Variants in USP47 observed in about 807,000 individuals in gnomAD.
USP47 encodes ubiquitin specific peptidase 47.
A neutral mutation model predicts 165.1 loss-of-function variants in USP47; 35 were observed. The ratio of observed to expected loss-of-function variants is 0.21; its 90% CI spans 0.16 to 0.28. USP47 has a LOEUF of 0.28. USP47 is among the 10% of genes least tolerant of loss of function. USP47 has a pLI of 1.00. For missense variants in USP47, 1,277 were observed against 1,607.4 expected (o/e 0.79, Z 3.52); for synonymous variants, 531 against 544.5 (o/e 0.98, Z 0.35).
In USP47 at chr11:11,879,760, A is replaced by T. The variant is rs567838174; in HGVS notation, c.40-417A>T. ...CTTACTGCATTTTTGCACAATTCCCATTTTTTTTTAGGAGACCCAGAAATA... is the reference window on the plus strand; with the variant it reads ...CTTACTGCATTTTTGCACAATTCCCTTTTTTTTTTAGGAGACCCAGAAATA... On this transcript the variant is annotated intron_variant, in intron 1 of 27. Coordinates refer to ENST00000527733, the MANE Select transcript of USP47 (RefSeq NM_001282659.2). 3.3e-5 allele frequency among the ~76,000 whole-genome samples: 5 copies of T among 150,446 alleles called. No individual in the cohort carries two copies. The South Asian group carries it at 8.5e-4, about 25-fold the overall frequency.
At chr11:11,884,402 A>T in intron 2 of USP47, 65 bp from the exon 3 acceptor site, 1 of 1,145,260 alleles carries the variant, frequency 8.7e-7, no homozygotes, top group South Asian at 1.6e-5. Flanking sequence ...GTAGATATGT[A>T]TCTATTTACA....
At chr11:11,861,614 AT>A (rs1332866032) in intron 1 of USP47, among the ~76,000 whole-genome samples, 1 of 152,118 alleles carries the variant, frequency 6.6e-6, no homozygotes, top group Non-Finnish European at 1.5e-5. Flanking sequence ...AAGGAGTTTT[AT>A]TTATTTTCTA....
chr11:11,916,081 ATTG>A (rs1287544571), intron 8 of USP47, among the ~76,000 whole-genome samples: 2 of 152,182 alleles, frequency 1.3e-5, no homozygotes, highest in African/African-American at 4.8e-5. Flanking sequence ...AATAACCCGT[ATTG>A]TTTTTGATTG....
At chr11:11,896,235 G>GCCTA (rs1851837390) in intron 4 of USP47, among the ~76,000 whole-genome samples, 1 of 152,118 alleles carries the variant, frequency 6.6e-6, no homozygotes, top group African/African-American at 2.4e-5. Context: ...CTCTTCTCAA[G>GCCTA]CCTACCCCGA....
rs57342188 is a variant in USP47 at position 11,875,033 on chromosome 11, T to TTGTGTG, written c.40-5100_40-5095dup. 4.2e-3 allele frequency among the ~76,000 whole-genome samples: 396 copies of TTGTGTG among 95,384 alleles called. 2 individuals are homozygous for TTGTGTG. The highest frequency in any genetic ancestry group is 5.5e-3 in the South Asian group (16 of 2,916). The allele number at this position is 95,384 out of a possible 152,430, so 62.6% of individuals were successfully genotyped here. The stretch of plus-strand genomic sequence containing the variant: ...CCAAAAGGGAGAGAAAATTGACTTA[T>TTGTGTG]TGTGTGTGTGTGTGTGTGTGTGTGT... On this transcript the variant is annotated intron_variant, in intron 1 of 27. Transcript: ENST00000527733.
chr11:11,896,263 C>T (rs77335916), intron 4 of USP47, among the ~76,000 whole-genome samples: 2 of 152,148 alleles, frequency 1.3e-5, no homozygotes, highest in East Asian at 3.9e-4. Context: ...TTTTTAAGCC[C>T]AGTAAAGGGA....
Position 11,847,364 on chromosome 11 carries a change from A to G in USP47, c.39+5140A>G, listed in dbSNP as rs1009184608. Among the ~76,000 whole-genome samples the G allele has an allele frequency of 2.7e-5, 4 of 150,864 alleles. 1 individual carries two copies. The highest frequency in any genetic ancestry group is 5.9e-5 in the Non-Finnish European group (4 of 67,780). On this transcript the variant is annotated intron_variant, in intron 1 of 27. Transcript: ENST00000527733. ...GTCTTGAGTAATCGGATCCACTTGT[A>G]TAGCTTCAACCTTTGATTGTGATTT...
At chr11:11,845,686 G>GT (rs1319905292) in intron 1 of USP47, among the ~76,000 whole-genome samples, 1 of 152,176 alleles carries the variant, frequency 6.6e-6, no homozygotes, top group Admixed American at 6.5e-5. Context: ...TGACAGAGTT[G>GT]TAAGTAAATT....
intron 1 of USP47, chr11:11,873,879 G>A (rs1248359780): frequency 3.6e-6 from 5 of 1,408,002 alleles, no homozygotes; most frequent in Non-Finnish European, 4.7e-6. Flanking sequence ...TGATGTAATT[G>A]CTTTAATGTG....
At position 11,930,696 on chromosome 11, in the gene USP47, T is replaced by C; in HGVS notation, c.1596T>C (p.Ser532=). The C allele has an allele frequency of 6.2e-7, 1 of 1,601,334 alleles. No homozygotes were observed. The highest frequency in any genetic ancestry group is 1.1e-5 in the South Asian group (1 of 87,668). The change falls in exon 14 of 28, where the codon AGT becomes AGC. Residue 532 remains serine (S), a splice_region_variant and synonymous_variant. Coordinates refer to ENST00000527733, the MANE Select transcript of USP47 (RefSeq NM_001282659.2). ...SRGYYSSAFA[S]STNAYMLIYR... is the part of the protein sequence containing the mutation. The stretch of plus-strand genomic sequence containing the variant: ...TTAATCTTTTTTATGTTTCTACTAG[T>C]TCCACAAATGCATATATGCTGATCT...
At chr11:11,939,859 A>G (rs1590428108) in intron 18 of USP47, among the ~76,000 whole-genome samples, 1 of 152,038 alleles carries the variant, frequency 6.6e-6, no homozygotes, top group African/African-American at 2.4e-5. Context: ...TTGAAAAGAA[A>G]TTGTGTTTTT....
At chr11:11,871,537 A>AAAAAAAAAAAAAT (rs1850060572) in intron 1 of USP47, among the ~76,000 whole-genome samples, 1 of 106,484 alleles carries the variant, frequency 9.4e-6, no homozygotes, top group Non-Finnish European at 2.1e-5. Context: ...AAAAAAAAAA[A>AAAAAAAAAAAAAT]AGAATTCTGG....
chr11:11,888,863 T>A (rs1197463615), intron 3 of USP47, among the ~76,000 whole-genome samples: 5 of 152,118 alleles, frequency 3.3e-5, no homozygotes, highest in Non-Finnish European at 5.9e-5. Flanking sequence ...ATGATCAAGT[T>A]GGCTTCATTC....
chr11:11,866,711 TGATA>T (rs1429851645), intron 1 of USP47, among the ~76,000 whole-genome samples: 6 of 152,176 alleles, frequency 3.9e-5, no homozygotes, highest in Non-Finnish European at 7.3e-5. Context: ...TTTGCATTCC[TGATA>T]GATATTTTTG....
At position 11,922,753 on chromosome 11, in the gene USP47, C is replaced by T. The variant is rs1256726818; in HGVS notation, c.1248C>T (p.Asp416=). ...EKSPQTESCT[D]SGAENEGSCH... The stretch of plus-strand genomic sequence containing the variant: ...CTCCTCAGACTGAAAGTTGCACTGA[C>T]AGTGGAGCAGAAAATGAAGGTAGTT... The change falls in exon 11 of 28, where the codon GAC becomes GAT. Residue 416 remains aspartate (D), a synonymous_variant. Coordinates refer to ENST00000527733, the MANE Select transcript of USP47 (RefSeq NM_001282659.2). 2.5e-6 allele frequency: 4 copies of T among 1,610,166 alleles called. No homozygotes were observed. Among genetic ancestry groups the T allele is most frequent in the Non-Finnish European group, 3.4e-6 (4 of 1,177,632 alleles).
At chr11:11,951,134 T>C (rs971288211) in intron 24 of USP47, 6 of 152,288 alleles carry the variant, frequency 3.9e-5, no homozygotes, top group East Asian at 1.9e-4. Context: ...TTGGCCATCA[T>C]TGGCAACCTT....
At position 11,922,003 on chromosome 11, in the gene USP47, A is replaced by G. The variant is rs147367089; in HGVS notation, c.1219-721A>G. The stretch of plus-strand genomic sequence containing the variant: ...TGCTTGGTTTCACTCAAGAACTTCT[A>G]TGCAATGCCTTATACATTTCAAAAG... On this transcript the variant is annotated intron_variant, in intron 10 of 27. Transcript: ENST00000527733. Among the ~76,000 whole-genome samples, 1,351 of 152,048 alleles carry G rather than the reference A, an allele frequency of 8.9e-3. 19 individuals carry two copies. Among genetic ancestry groups the G allele is most frequent in the South Asian group, 0.025 (121 of 4,826 alleles).
chr11:11,849,462 C>T (rs1848608685), intron 1 of USP47, among the ~76,000 whole-genome samples: 1 of 152,146 alleles, frequency 6.6e-6, no homozygotes, highest in Non-Finnish European at 1.5e-5. Context: ...CTGCACTGCA[C>T]AAGACAGCCT....
At chr11:11,943,405 A>G (rs1855620306) in intron 20 of USP47, 2 of 192,386 alleles carry the variant, frequency 1.0e-5, no homozygotes, top group African/African-American at 4.7e-5. Flanking sequence ...TAAAAAGTAA[A>G]TAATATTTTT....
Sources: allele counts gnomAD v4.1 joint callset (sites outside exome capture counted in the v4.1 genomes callset), GRCh38; gene constraint gnomAD v4.1.1; transcripts MANE v1.5; gene names NCBI Gene and HGNC (gene_info 2026-07-23, HGNC 2026-07-21).